Variants in AFF3 observed in about 807,000 individuals in gnomAD.
AFF3 encodes the protein AF4/FMR2 family member 3.
Under a neutral mutation model 129.7 loss-of-function variants are expected in AFF3, and 32 were observed. The ratio of observed to expected loss-of-function variants is 0.25; its 90% CI spans 0.19 to 0.33. AFF3 has a LOEUF of 0.33. AFF3 is among the 10% of genes least tolerant of loss of function. AFF3 has a pLI of 1.00. For missense variants in AFF3, 1,373 were observed against 1,592.0 expected, an observed-to-expected ratio of 0.86 and a Z score of 2.34; for synonymous variants, 644 against 635.4, an observed-to-expected ratio of 1.01 and a Z score of -0.20.
chr2:99,601,524 A>C lies in AFF3; in HGVS notation c.1282T>G (p.Ser428Ala). The C allele has an allele frequency of 1.2e-6, 2 of 1,605,012 alleles. No individual in the cohort carries two copies. Among genetic ancestry groups the C allele is most frequent in the Non-Finnish European group, 1.7e-6 (2 of 1,176,704 alleles). Residue 428 changes from serine to alanine, a missense_variant, in exon 14 of 25, where the codon TCA (serine) becomes GCA (alanine). By Grantham distance (99) the Ser-to-Ala change is moderately conservative. Transcript: ENST00000672756. Reference sequence around the variant, plus strand: ...GAGTCAGATCCGGAGCTGCTCTCTGAGTCGCTGGAGGAGCTGCTGCTGCCG... The same window carrying C: ...GAGTCAGATCCGGAGCTGCTCTCTGCGTCGCTGGAGGAGCTGCTGCTGCCG... Reference protein sequence around the residue: ...SSGSSSSSSDSESSSGSDSET... With the variant: ...SSGSSSSSSDAESSSGSDSET...
chr2:99,586,550 GCTT>G (rs1430362204), intron 16 of AFF3, among the ~76,000 whole-genome samples: 2 of 152,200 alleles, frequency 1.3e-5, no homozygotes, highest in African/African-American at 4.8e-5. Context: ...AATGGAAAGA[GCTT>G]CTACGACTGA....
intron 8 of AFF3, among the ~76,000 whole-genome samples, chr2:99,804,125 GA>G (rs1342735364): frequency 6.6e-6 from 1 of 152,150 alleles, no homozygotes; most frequent in African/African-American, 2.4e-5. Flanking sequence ...CATAGCAAAA[GA>G]AATAATCATC....
intron 2 of AFF3, among the ~76,000 whole-genome samples, chr2:100,120,213 A>G (rs1691901959): frequency 1.3e-5 from 2 of 152,220 alleles, no homozygotes; most frequent in African/African-American, 2.4e-5. Context: ...TCAGCCTTCT[A>G]GGCCCAGCTA....
Position 99,593,425 on chromosome 2 carries a change from C to G in AFF3, c.2236G>C (p.Val746Leu). 1 of 1,614,030 alleles carries G rather than the reference C, an allele frequency of 6.2e-7. No homozygotes were observed. The highest frequency in any genetic ancestry group is 8.5e-7 in the Non-Finnish European group (1 of 1,180,006). ...AGAAGTTCGTTCCGGCCAAAGGGGA[C>G]CAGTGTGTAGAACTGCTCCTCCAGC... ...KELEEQFYTL[V>L]PFGRNELLSP... Residue 746 changes from valine to leucine, a missense_variant, in exon 15 of 25, where the codon GTC (valine) becomes CTC (leucine). Val to Leu is a conservative substitution (Grantham distance 32, BLOSUM62 1). Transcript: ENST00000672756.
Position 99,721,540 on chromosome 2 carries a change from A to G in AFF3, c.1091+5537T>C, listed in dbSNP as rs558397731. 1.2e-3 allele frequency among the ~76,000 whole-genome samples: 176 copies of G among 141,574 alleles called. 1 individual carries two copies. Among genetic ancestry groups the G allele is most frequent in the African/African-American group, 3.9e-3 (151 of 38,632 alleles). The allele number at this position is 141,574 out of a possible 152,430, so 92.9% of individuals were successfully genotyped here. ...GAGACTCTGTCTCAAAAAAAAAAAG[A>G]AAAAAAAAAAGAATTCTGGCTTGAC... On this transcript the variant is annotated intron_variant, in intron 11 of 24. Transcript: ENST00000672756.
At chr2:99,884,086 C>G (rs1261080622) in intron 7 of AFF3, among the ~76,000 whole-genome samples, 2 of 152,178 alleles carry the variant, frequency 1.3e-5, no homozygotes, top group Admixed American at 1.3e-4. Context: ...CATGTTGTAA[C>G]TACATTAGGA....
At chr2:99,812,300 T>C (rs1686849843) in intron 8 of AFF3, among the ~76,000 whole-genome samples, 1 of 152,162 alleles carries the variant, frequency 6.6e-6, no homozygotes, top group Non-Finnish European at 1.5e-5. Context: ...AGATGTTACT[T>C]CTGAAGTAAG....
chr2:100,012,330 C>A (rs1159708425), intron 4 of AFF3, among the ~76,000 whole-genome samples: 1 of 152,198 alleles, frequency 6.6e-6, no homozygotes, highest in African/African-American at 2.4e-5. Flanking sequence ...GTAGCCTCCA[C>A]TGAGCTGCTT....
chr2:99,587,040 C>A, intron 16 of AFF3, 114 bp downstream of exon 16: 1 of 1,418,174 alleles, frequency 7.1e-7, no homozygotes, highest in Non-Finnish European at 9.6e-7. Flanking sequence ...AGCAAGTCTG[C>A]AGACCTTGAC....
chr2:100,133,813 G>T (rs969880303), intron 1 of AFF3, among the ~76,000 whole-genome samples: 1 of 152,118 alleles, frequency 6.6e-6, no homozygotes, highest in Non-Finnish European at 1.5e-5. Flanking sequence ...GACGCCTGTA[G>T]TCCCAGCTTC....
chr2:99,925,516 G>A (rs2106269106), intron 7 of AFF3, among the ~76,000 whole-genome samples: 1 of 152,296 alleles, frequency 6.6e-6, no homozygotes. Context: ...CACAGTGCCT[G>A]GCACATAGTC....
intron 4 of AFF3, among the ~76,000 whole-genome samples, chr2:100,082,818 T>C (rs1191989697): frequency 6.6e-6 from 1 of 152,236 alleles, no homozygotes. Context: ...TGGTGGCTCA[T>C]GCCTGTAATC....
chr2:100,008,514 TTA>T (rs67120090), intron 5 of AFF3, among the ~76,000 whole-genome samples: 40,327 of 151,842 alleles, frequency 0.27, 8,148 homozygotes, highest in African/African-American at 0.56. Flanking sequence ...GGGATTGACC[TTA>T]TAATATGTCA....
intron 4 of AFF3, among the ~76,000 whole-genome samples, chr2:100,028,914 G>T (rs1262584441): frequency 1.3e-5 from 2 of 151,824 alleles, no homozygotes; most frequent in South Asian, 2.1e-4. Flanking sequence ...CCTCCTTCTG[G>T]GTATATATCC....
At chr2:99,764,484 T>C (rs1682852887) in intron 8 of AFF3, among the ~76,000 whole-genome samples, 1 of 152,218 alleles carries the variant, frequency 6.6e-6, no homozygotes, top group African/African-American at 2.4e-5. Context: ...TTATTATCTC[T>C]CTGTGTCAAG....
At chr2:99,907,269 G>GT (rs1194532793) in intron 7 of AFF3, among the ~76,000 whole-genome samples, 1 of 152,130 alleles carries the variant, frequency 6.6e-6, no homozygotes, top group Admixed American at 6.5e-5. Context: ...TGTAAAACCT[G>GT]TAAGTTGCCT....
chr2:100,003,295 G>A (rs775463987), intron 7 of AFF3, among the ~76,000 whole-genome samples: 3 of 152,158 alleles, frequency 2.0e-5, no homozygotes, highest in Non-Finnish European at 4.4e-5. Context: ...ATTACATGCT[G>A]AGCACAAAAT....
chr2:99,626,520 CTTCCTT>C (rs1682598512), intron 13 of AFF3, among the ~76,000 whole-genome samples: 1 of 115,198 alleles, frequency 8.7e-6, no homozygotes, highest in Non-Finnish European at 1.9e-5. Context: ...TCCCCTTCCT[CTTCCTT>C]CCTTCCTCCC....
chr2:100,104,863 G>T lies in AFF3; in HGVS notation c.-64-345C>A, dbSNP rs1012212084. On this transcript the variant is annotated intron_variant, in intron 3 of 24. Coordinates refer to ENST00000672756, the MANE Select transcript of AFF3 (RefSeq NM_001386135.1). ...CGCCCGCCCGCCTCTTTCTCCTCCG[G>T]GAGGCGCGTGTGCGCGGGCGAGGCC... 77 of 447,590 alleles carry T rather than the reference G, an allele frequency of 1.7e-4. 1 individual carries two copies. Among genetic ancestry groups the T allele is most frequent in the African/African-American group, 1.6e-3 (72 of 45,130 alleles). The allele number at this position is 447,590 out of a possible 1,614,324, so 27.7% of individuals were successfully genotyped here.
Sources: allele counts gnomAD v4.1 joint callset (sites outside exome capture counted in the v4.1 genomes callset), GRCh38; gene constraint gnomAD v4.1.1; transcripts MANE v1.5; gene names NCBI Gene and HGNC (gene_info 2026-07-23, HGNC 2026-07-21).